The following SLC9A9 variants were observed in gnomAD, a reference collection of about 807,000 sequenced individuals.
The protein encoded by SLC9A9 is sodium/hydrogen exchanger 9.
SLC9A9 carries 62 observed loss-of-function variants against 77.8 expected under a neutral mutation model. The observed-to-expected ratio is 0.80, with a 90% CI of 0.65 to 0.98. SLC9A9 has a LOEUF of 0.98. Among genes scored for constraint, SLC9A9 ranks in the 50% least tolerant of loss-of-function variants. The pLI is 0.00. For synonymous variants in SLC9A9, 320 were observed against 283.5 expected (o/e 1.13, Z -1.29); for missense variants, 775 against 774.9 (o/e 1.00, Z 0.00).
intron 9 of SLC9A9, among the ~76,000 whole-genome samples, chr3:143,531,851 C>G (rs116439267): frequency 0.011 from 1,594 of 151,186 alleles, 26 homozygotes; most frequent in African/African-American, 0.037. Flanking sequence ...GAGACTCTTA[C>G]AGGTAGCTCA....
chr3:143,578,383 G>A (rs1211443392), intron 7 of SLC9A9, among the ~76,000 whole-genome samples: 2 of 152,196 alleles, frequency 1.3e-5, no homozygotes, highest in Non-Finnish European at 2.9e-5. Flanking sequence ...GGCAAGAAGA[G>A]AGCTTGGGCC....
At chr3:143,338,789 T>G (rs1404604537) in intron 14 of SLC9A9, among the ~76,000 whole-genome samples, 2 of 152,174 alleles carry the variant, frequency 1.3e-5, no homozygotes, top group East Asian at 3.8e-4. Context: ...GCCTGACACA[T>G]TCTCCCATTT....
At chr3:143,560,004 G>C (rs868844559) in intron 8 of SLC9A9, among the ~76,000 whole-genome samples, 1 of 152,148 alleles carries the variant, frequency 6.6e-6, no homozygotes, top group African/African-American at 2.4e-5. Context: ...CCCAGGCTTT[G>C]CTTAATTTAC....
At chr3:143,334,500 G>A (rs1036475695) in intron 14 of SLC9A9, among the ~76,000 whole-genome samples, 3 of 152,154 alleles carry the variant, frequency 2.0e-5, no homozygotes, top group African/African-American at 4.8e-5. Flanking sequence ...GATGGATTTT[G>A]GTTCATGACC....
At chr3:143,282,382 TG>T (rs1420174337) in intron 14 of SLC9A9, among the ~76,000 whole-genome samples, 2 of 152,254 alleles carry the variant, frequency 1.3e-5, no homozygotes, top group Non-Finnish European at 2.9e-5. Context: ...TTGCATGTTT[TG>T]TTCCTATTAC....
chr3:143,384,328 C>T (rs1348860190), intron 12 of SLC9A9, among the ~76,000 whole-genome samples: 2 of 152,072 alleles, frequency 1.3e-5, no homozygotes, highest in East Asian at 1.9e-4. Flanking sequence ...CAGAGCCCTC[C>T]AGCAGGTGCT....
chr3:143,705,757 G>A (rs1933952889), intron 4 of SLC9A9, among the ~76,000 whole-genome samples: 3 of 152,188 alleles, frequency 2.0e-5, no homozygotes, highest in Admixed American at 6.5e-5. Context: ...GAACATTGAA[G>A]GATGACTTTG....
chr3:143,415,344 T>TAGAGA (rs986020709), intron 12 of SLC9A9, among the ~76,000 whole-genome samples: 7 of 152,160 alleles, frequency 4.6e-5, no homozygotes, highest in Admixed American at 3.9e-4. Context: ...CTTTCATAGC[T>TAGAGA]AGAGAAGAGA....
At chr3:143,427,252 A>G (rs543265057) in intron 12 of SLC9A9, among the ~76,000 whole-genome samples, 1 of 152,382 alleles carries the variant, frequency 6.6e-6, no homozygotes, top group East Asian at 1.9e-4. Context: ...ATTCATGCAC[A>G]TAACAGATCA....
intron 11 of SLC9A9, among the ~76,000 whole-genome samples, chr3:143,486,832 C>T (rs1473356868): frequency 6.6e-6 from 1 of 151,910 alleles, no homozygotes; most frequent in East Asian, 1.9e-4. Flanking sequence ...TGCAAAGAAT[C>T]AACTAAACAC....
At chr3:143,600,574 A>G (rs1365865252) in intron 6 of SLC9A9, among the ~76,000 whole-genome samples, 3 of 152,216 alleles carry the variant, frequency 2.0e-5, no homozygotes, top group Non-Finnish European at 4.4e-5. Flanking sequence ...CTAAATATCA[A>G]TGATCTGCAG....
chr3:143,327,335 T>G (rs1385280522), intron 14 of SLC9A9, among the ~76,000 whole-genome samples: 1 of 152,184 alleles, frequency 6.6e-6, no homozygotes, highest in Non-Finnish European at 1.5e-5. Context: ...GTAAAGGAAC[T>G]TTCCTCTTAA....
chr3:143,649,886 A>G (rs1159548961), intron 6 of SLC9A9, among the ~76,000 whole-genome samples: 1 of 152,208 alleles, frequency 6.6e-6, no homozygotes, highest in African/African-American at 2.4e-5. Flanking sequence ...GAACTAAGAG[A>G]GGGACAACAC....
At chr3:143,823,415 TC>T (rs1381394195) in intron 2 of SLC9A9, among the ~76,000 whole-genome samples, 2 of 152,166 alleles carry the variant, frequency 1.3e-5, no homozygotes, top group Admixed American at 6.5e-5. Context: ...ATGAGTGTTC[TC>T]CCAGAGGTAA....
rs576382649 is a variant in SLC9A9, at chr3:143,357,680, G to A, written c.1604+5804C>T. Among the ~76,000 whole-genome samples, 18 of 152,262 alleles carry A rather than the reference G, an allele frequency of 1.2e-4. No individual in the cohort carries two copies. In the South Asian group the frequency reaches 2.7e-3, roughly 23 times the overall value. ...CACAGCCTGTTCTACTGTTGATTAC[G>A]AATGCTGGCTCCAAGTCCATCAGTA... On this transcript the variant is annotated intron_variant, in intron 14 of 15. Transcript: ENST00000316549.
chr3:143,532,975 C>T (rs565814812), intron 9 of SLC9A9, among the ~76,000 whole-genome samples: 1 of 152,262 alleles, frequency 6.6e-6, no homozygotes, highest in African/African-American at 2.4e-5. Context: ...TGTTATATAG[C>T]CCCAGAGAAC....
intron 5 of SLC9A9, among the ~76,000 whole-genome samples, chr3:143,668,312 C>T (rs193270126): frequency 2.6e-3 from 332 of 125,760 alleles, no homozygotes; most frequent in African/African-American, 9.2e-3. Flanking sequence ...TGGGGAACAT[C>T]ACACCCTGGG....
At chr3:143,386,898 C>T (rs988903537) in intron 12 of SLC9A9, among the ~76,000 whole-genome samples, 1 of 152,042 alleles carries the variant, frequency 6.6e-6, no homozygotes, top group East Asian at 1.9e-4. Flanking sequence ...TGGAGTATAG[C>T]GGTATGTTCT....
At chr3:143,298,890 C>T (rs374286449) in intron 14 of SLC9A9, among the ~76,000 whole-genome samples, 1 of 152,246 alleles carries the variant, frequency 6.6e-6, no homozygotes, top group South Asian at 2.1e-4. Context: ...GGTGTACAGG[C>T]TATGGAACAA....
Sources: gnomAD v4.1 joint callset for allele counts (sites outside exome capture counted in the v4.1 genomes callset) on GRCh38, gnomAD v4.1.1 for gene constraint, MANE v1.5 for transcripts, NCBI Gene and HGNC (gene_info 2026-07-23, HGNC 2026-07-21) for gene names.